The following GLIS3 variants were observed in gnomAD, a reference collection of about 807,000 sequenced individuals.
The protein encoded by GLIS3 is zinc finger protein GLIS3.
In GLIS3, 53 loss-of-function variants were observed where a neutral mutation model predicts 78.6. The ratio of observed to expected loss-of-function variants is 0.67; its 90% CI spans 0.54 to 0.85. The LOEUF (loss-of-function observed/expected upper bound fraction) is 0.85, where lower values mean the gene tolerates loss of function less well. Among genes scored for constraint, GLIS3 ranks in the 40% least tolerant of loss-of-function variants. The pLI is 0.00. For missense variants in GLIS3, 1,703 were observed against 1,231.1 expected (o/e 1.38, Z -5.74); for synonymous variants, 684 against 509.9 (o/e 1.34, Z -4.60).
At chr9:4,241,035 C>T (rs942329868) in intron 2 of GLIS3, among the ~76,000 whole-genome samples, 2 of 151,960 alleles carry the variant, frequency 1.3e-5, no homozygotes, top group Admixed American at 1.3e-4. Context: ...ATTTATTATC[C>T]TGTTCTTTCA....
At chr9:4,439,729 G>C in the GLIS3 span, among the ~76,000 whole-genome samples, 6 of 152,170 alleles carry the variant, frequency 3.9e-5, no homozygotes, top group Non-Finnish European at 8.8e-5. Flanking sequence ...CTGGAGAGCA[G>C]TGGTGTAATT....
intron 6 of GLIS3, among the ~76,000 whole-genome samples, chr9:3,907,948 G>C (rs555258): frequency 0.88 from 133,830 of 152,238 alleles, 58,994 homozygotes; most frequent in Non-Finnish European, 0.91. Context: ...GCTCTGATGA[G>C]ATTCATTCAT....
At chr9:3,921,408 A>T (rs991373549) in intron 6 of GLIS3, among the ~76,000 whole-genome samples, 11 of 152,186 alleles carry the variant, frequency 7.2e-5, no homozygotes, top group Admixed American at 1.3e-4. Flanking sequence ...AAGCTAAGTA[A>T]TTTCTCCCAG....
chr9:4,288,828 A>G (rs1455783077), intron 1 of GLIS3, among the ~76,000 whole-genome samples: 1 of 152,228 alleles, frequency 6.6e-6, no homozygotes, highest in Non-Finnish European at 1.5e-5. Context: ...GAAAAAACCA[A>G]TAGGCCAATG....
intron 2 of GLIS3, among the ~76,000 whole-genome samples, chr9:4,233,621 A>G (rs1462231016): frequency 6.6e-6 from 1 of 152,184 alleles, no homozygotes; most frequent in Non-Finnish European, 1.5e-5. Context: ...GATTAGCATA[A>G]TTCTTAAAGG....
intron 2 of GLIS3, among the ~76,000 whole-genome samples, chr9:4,243,731 G>C (rs1390622486): frequency 6.6e-6 from 1 of 152,182 alleles, no homozygotes; most frequent in Non-Finnish European, 1.5e-5. Context: ...AAATAGTGTA[G>C]CCTCTCATCT....
At chr9:4,450,661 T>A in the GLIS3 span, among the ~76,000 whole-genome samples, 1 of 152,148 alleles carries the variant, frequency 6.6e-6, no homozygotes, top group Non-Finnish European at 1.5e-5. Flanking sequence ...TGGCAGAAAC[T>A]CTACAAGCCA....
chr9:4,177,130 A>AAAAAC lies in GLIS3; in HGVS notation c.389-51194_389-51190dup, dbSNP rs60164998. Among the ~76,000 whole-genome samples, 1,439 of 151,144 alleles carry AAAAAC rather than the reference A, an allele frequency of 9.5e-3. 8 individuals carry two copies. Among genetic ancestry groups the AAAAAC allele is most frequent in the South Asian group, 0.013 (62 of 4,752 alleles). ...GTGTTATCTTGTCAATTTGATGAGC[A>AAAAAC]AAAACAAAACAAAACAAAACAAAAC... On this transcript the variant is annotated intron_variant, in intron 2 of 10. Coordinates refer to ENST00000381971, the MANE Select transcript of GLIS3 (RefSeq NM_001042413.2).
At chr9:4,116,617 C>G (rs1284597677) in intron 4 of GLIS3, among the ~76,000 whole-genome samples, 1 of 152,174 alleles carries the variant, frequency 6.6e-6, no homozygotes, top group African/African-American at 2.4e-5. Flanking sequence ...GAATAAGAAA[C>G]CTTGGCCAAT....
intron 6 of GLIS3, among the ~76,000 whole-genome samples, chr9:3,932,084 T>A (rs1263510388): frequency 6.6e-6 from 1 of 152,234 alleles, no homozygotes; most frequent in Non-Finnish European, 1.5e-5. Flanking sequence ...TCCTTACTTT[T>A]CTCTGATTCC....
At chr9:3,899,719 G>T (rs1167320448) in intron 6 of GLIS3, among the ~76,000 whole-genome samples, 1 of 152,210 alleles carries the variant, frequency 6.6e-6, no homozygotes, top group African/African-American at 2.4e-5. Context: ...TATAGAGCTA[G>T]AGTATGCTTA....
chr9:4,310,791 G>T (rs1237199891), intron 2 of GLIS3, among the ~76,000 whole-genome samples: 1 of 152,146 alleles, frequency 6.6e-6, no homozygotes, highest in Non-Finnish European at 1.5e-5. Context: ...AGCACATACA[G>T]TCTCTGAAGC....
At chr9:4,273,765 A>G (rs963680580) in intron 2 of GLIS3, among the ~76,000 whole-genome samples, 8 of 152,132 alleles carry the variant, frequency 5.3e-5, no homozygotes, top group African/African-American at 1.7e-4. Context: ...ACATAACTCG[A>G]AGATTCTCTG....
chr9:4,196,760 C>G (rs534847660), intron 2 of GLIS3, among the ~76,000 whole-genome samples: 38 of 152,232 alleles, frequency 2.5e-4, no homozygotes, highest in Non-Finnish European at 4.7e-4. Context: ...CAGCTTCATT[C>G]TTTAAGTCAG....
intron 4 of GLIS3, among the ~76,000 whole-genome samples, chr9:4,044,738 C>G (rs1258466946): frequency 6.6e-6 from 1 of 152,196 alleles, no homozygotes; most frequent in Non-Finnish European, 1.5e-5. Context: ...GTTAGAGACA[C>G]TAGCATGCTT....
At chr9:3,904,217 A>G (rs187189928) in intron 6 of GLIS3, among the ~76,000 whole-genome samples, 1 of 152,302 alleles carries the variant, frequency 6.6e-6, no homozygotes, top group Admixed American at 6.5e-5. Flanking sequence ...AATTCTCTTG[A>G]TGGGCTTAAC....
At chr9:4,073,221 G>A (rs980809235) in intron 4 of GLIS3, among the ~76,000 whole-genome samples, 5 of 152,130 alleles carry the variant, frequency 3.3e-5, no homozygotes, top group East Asian at 1.9e-4. Context: ...AAGCATGATC[G>A]CTACAGCTGG....
intron 6 of GLIS3, among the ~76,000 whole-genome samples, chr9:3,906,126 A>G (rs189178529): frequency 6.6e-5 from 10 of 152,308 alleles, no homozygotes; most frequent in African/African-American, 2.2e-4. Context: ...GGGCTGGACA[A>G]ATTGCCAGAG....
intron 2 of GLIS3, among the ~76,000 whole-genome samples, chr9:4,240,670 G>T (rs146189304): frequency 5.6e-4 from 86 of 152,240 alleles, no homozygotes; most frequent in Non-Finnish European, 7.9e-4. Context: ...ATACAAGTTG[G>T]AATCCTAAAA....
Sources: gnomAD v4.1 joint callset for allele counts (sites outside exome capture counted in the v4.1 genomes callset) on GRCh38, gnomAD v4.1.1 for gene constraint, MANE v1.5 for transcripts, NCBI Gene and HGNC (gene_info 2026-07-23, HGNC 2026-07-21) for gene names.